The following FAM227B variants were observed in gnomAD, a reference collection of about 807,000 sequenced individuals.
FAM227B encodes family with sequence similarity 227 member B.
In FAM227B, 88 loss-of-function variants were observed where a neutral mutation model predicts 73.8. The observed-to-expected ratio is 1.19, with a 90% confidence interval of 1.00 to 1.42. The LOEUF (loss-of-function observed/expected upper bound fraction) is 1.42, where lower values mean the gene tolerates loss of function less well. Among genes scored for constraint, FAM227B ranks in the 40% most tolerant of loss-of-function variants. The probability of loss-of-function intolerance (pLI) is 0.00; values close to 1 mark genes in which losing one functional copy is unlikely to be tolerated. For synonymous variants in FAM227B, 210 were observed against 190.5 expected, an observed-to-expected ratio of 1.10 and a Z score of -0.84; for missense variants, 632 against 590.9, an observed-to-expected ratio of 1.07 and a Z score of -0.72.
intron 11 of FAM227B, among the ~76,000 whole-genome samples, chr15:49,506,902 T>C (rs1321433981): frequency 6.6e-6 from 1 of 152,038 alleles, no homozygotes; most frequent in Non-Finnish European, 1.5e-5. Flanking sequence ...AGGTAAAGGA[T>C]ATATGGGAGT....
At chr15:49,536,322 T>C (rs1043902532) in intron 10 of FAM227B, among the ~76,000 whole-genome samples, 28 of 151,766 alleles carry the variant, frequency 1.8e-4, no homozygotes, top group Non-Finnish European at 3.4e-4. Context: ...TTCCATTTAA[T>C]AAGAGGGTCA....
intron 11 of FAM227B, among the ~76,000 whole-genome samples, chr15:49,442,896 G>A (rs539301230): frequency 1.3e-5 from 2 of 151,794 alleles, no homozygotes; most frequent in Admixed American, 1.3e-4. Flanking sequence ...TAATGATTAG[G>A]TTGATTAGGA....
intron 10 of FAM227B, among the ~76,000 whole-genome samples, chr15:49,525,685 TA>T (rs1567486986): frequency 7.3e-5 from 4 of 54,702 alleles, no homozygotes; most frequent in African/African-American, 1.0e-4. Flanking sequence ...TATATATATA[TA>T]TATATATATA....
In FAM227B at chr15:49,364,160, A is replaced by G. The variant is rs150490502; in HGVS notation, c.1271+3288T>C. ...GTTAGGAAAGAGTCCCTCCTCCTCAATGTTTTGGAATAGTTTCAGTAGGAA... is the reference window on the plus strand; with the variant it reads ...GTTAGGAAAGAGTCCCTCCTCCTCAGTGTTTTGGAATAGTTTCAGTAGGAA... On this transcript the variant is annotated intron_variant, in intron 13 of 15. Transcript: ENST00000299338. Among the ~76,000 whole-genome samples, 856 of 152,186 alleles carry G rather than the reference A, an allele frequency of 5.6e-3. 6 individuals are homozygous for G. Among genetic ancestry groups the G allele is most frequent in the African/African-American group, 0.02 (815 of 41,528 alleles).
At chr15:49,341,444 A>G (rs912631622) in intron 13 of FAM227B, among the ~76,000 whole-genome samples, 1 of 152,084 alleles carries the variant, frequency 6.6e-6, no homozygotes, top group African/African-American at 2.4e-5. Context: ...AGAATTTTCT[A>G]GTTTTCTTTG....
At chr15:49,421,519 A>G (rs2049624403) in intron 11 of FAM227B, among the ~76,000 whole-genome samples, 1 of 152,182 alleles carries the variant, frequency 6.6e-6, no homozygotes, top group Non-Finnish European at 1.5e-5. Flanking sequence ...AGCAGATATT[A>G]AGGAGGCACT....
chr15:49,559,882 G>C (rs1199146309), intron 9 of FAM227B, among the ~76,000 whole-genome samples: 3 of 152,084 alleles, frequency 2.0e-5, no homozygotes, highest in African/African-American at 7.2e-5. Flanking sequence ...CTGCAGTTGA[G>C]CTGAGATTGT....
intron 11 of FAM227B, among the ~76,000 whole-genome samples, chr15:49,461,063 T>G (rs1567320847): frequency 1.3e-5 from 2 of 152,104 alleles, no homozygotes; most frequent in Non-Finnish European, 2.9e-5. Flanking sequence ...CCTCTGCCAT[T>G]TTTCTTAGTC....
At chr15:49,433,289 T>A (rs142972368) in intron 11 of FAM227B, among the ~76,000 whole-genome samples, 86 of 151,790 alleles carry the variant, frequency 5.7e-4, no homozygotes, top group African/African-American at 2.0e-3. Context: ...TTTGGCACTG[T>A]CACTAGAATG....
Position 49,508,232 on chromosome 15 carries a change from T to G in FAM227B, c.991A>C (p.Ser331Arg). ...AKSVKERIAD[S>R]QEHISTSIDF... is the part of the protein sequence containing the mutation. ...TTACTAGTTGATATATGTTCTTGAC[T>G]GTCTGCAATTCTTTCCTTTACTGAT... Residue 331 changes from serine to arginine, a missense_variant, in exon 11 of 16, where the codon AGT (serine) becomes CGT (arginine). Ser to Arg is a moderately radical substitution (Grantham distance 110, BLOSUM62 -1). Transcript: ENST00000299338. The G allele has an allele frequency of 6.2e-7, 1 of 1,610,604 alleles. No homozygotes were observed. The highest frequency in any genetic ancestry group is 8.5e-7 in the Non-Finnish European group (1 of 1,178,506).
intron 5 of FAM227B, 37 bp downstream of exon 5, chr15:49,587,979 C>G (rs375361662): frequency 1.4e-4 from 194 of 1,386,704 alleles, no homozygotes; most frequent in Non-Finnish European, 1.8e-4. Context: ...CTGTGAAAAT[C>G]CAACTTTCAA....
chr15:49,394,957 A>G (rs1276061738), intron 11 of FAM227B, among the ~76,000 whole-genome samples: 1 of 152,180 alleles, frequency 6.6e-6, no homozygotes, highest in East Asian at 1.9e-4. Flanking sequence ...TCTCCTAATA[A>G]ATATTCTTTA....
intron 9 of FAM227B, among the ~76,000 whole-genome samples, chr15:49,558,512 G>C (rs2073954966): frequency 6.6e-6 from 1 of 152,076 alleles, no homozygotes; most frequent in Non-Finnish European, 1.5e-5. Context: ...TACCCTACTT[G>C]AACATTTCAT....
chr15:49,366,012 T>C, intron 13 of FAM227B: 2 of 804,122 alleles, frequency 2.5e-6, no homozygotes. Context: ...CTACAAATAT[T>C]ACAACTGTAA....
At chr15:49,354,223 A>T (rs1488379328) in intron 13 of FAM227B, among the ~76,000 whole-genome samples, 1 of 152,186 alleles carries the variant, frequency 6.6e-6, no homozygotes, top group Non-Finnish European at 1.5e-5. Context: ...ATGTTTAAAA[A>T]GTCTGTGTAT....
intron 9 of FAM227B, among the ~76,000 whole-genome samples, chr15:49,553,953 G>T (rs1040886747): frequency 1.3e-5 from 2 of 152,192 alleles, no homozygotes; most frequent in Non-Finnish European, 2.9e-5. Context: ...GGCCCTCAAT[G>T]TAGTACTTGG....
chr15:49,468,531 G>C (rs2054466403), intron 11 of FAM227B, among the ~76,000 whole-genome samples: 1 of 152,136 alleles, frequency 6.6e-6, no homozygotes, highest in African/African-American at 2.4e-5. Flanking sequence ...GACAAGATTA[G>C]TATTATCAAC....
intron 11 of FAM227B, among the ~76,000 whole-genome samples, chr15:49,418,332 A>G (rs1348473817): frequency 3.9e-5 from 6 of 152,182 alleles, no homozygotes; most frequent in African/African-American, 1.4e-4. Flanking sequence ...AAGGAATATA[A>G]ATCATTCTAC....
chr15:49,366,479 G>C, intron 13 of FAM227B: 1 of 1,115,046 alleles, frequency 9.0e-7, no homozygotes, highest in East Asian at 2.3e-5. Flanking sequence ...TAGTGGTGCG[G>C]AAGTCAGATT....
Sources: gnomAD v4.1 joint callset for allele counts (sites outside exome capture counted in the v4.1 genomes callset) on GRCh38, gnomAD v4.1.1 for gene constraint, MANE v1.5 for transcripts, NCBI Gene and HGNC (gene_info 2026-07-23, HGNC 2026-07-21) for gene names.